The following VPS8 variants were observed in gnomAD, a reference collection of about 807,000 sequenced individuals.
VPS8 encodes the protein VPS8 subunit of CORVET complex.
VPS8 carries 129 observed loss-of-function variants against 216.4 expected under a neutral mutation model. The observed-to-expected ratio is 0.60, with a 90% confidence interval of 0.52 to 0.69. The LOEUF (loss-of-function observed/expected upper bound fraction) is 0.69. VPS8 is among the 30% of genes least tolerant of loss of function. VPS8 has a pLI of 0.00. For synonymous variants in VPS8, 571 were observed against 565.4 expected (o/e 1.01, Z -0.14); for missense variants, 1,531 against 1,683.5 (o/e 0.91, Z 1.59).
Position 184,935,707 on chromosome 3 carries a change from C to A in VPS8, c.2899-539C>A, listed in dbSNP as rs184708978. ...GTCAAATTAAAAGTCTTATATTTGA[C>A]AAATACATTTTATTAACAATGTTTA... is the stretch of plus-strand genomic sequence containing the variant. On this transcript the variant is annotated intron_variant, in intron 34 of 47. Transcript: ENST00000625842. Among the ~76,000 whole-genome samples, 6 of 152,258 alleles carry A rather than the reference C, an allele frequency of 3.9e-5. No homozygotes were observed. The East Asian group carries it at 1.2e-3, about 29-fold the overall frequency.
intron 37 of VPS8, among the ~76,000 whole-genome samples, chr3:184,962,117 A>G (rs1028184834): frequency 6.6e-6 from 1 of 152,228 alleles, no homozygotes; most frequent in Non-Finnish European, 1.5e-5. Flanking sequence ...TCATTCATTT[A>G]ATGATCTTAC....
chr3:184,870,862 T>G (rs1481087049), intron 21 of VPS8, 57 bp downstream of exon 21: 1 of 1,409,070 alleles, frequency 7.1e-7, no homozygotes, highest in Non-Finnish European at 9.8e-7. Context: ...AATACTCCTC[T>G]TTTATGTTAC....
intron 40 of VPS8, 82 bp from the exon 41 acceptor site, chr3:184,982,484 A>G: frequency 1.0e-6 from 1 of 974,574 alleles, no homozygotes; most frequent in South Asian, 1.5e-5. Context: ...GTAAAACATC[A>G]TGCTGATGTT....
chr3:184,941,037 C>T (rs573496999), intron 36 of VPS8, among the ~76,000 whole-genome samples: 31 of 152,276 alleles, frequency 2.0e-4, no homozygotes, highest in African/African-American at 6.7e-4. Flanking sequence ...GCATGGTTTA[C>T]GTGTAATTTT....
rs5855051 is a variant in VPS8 at position 184,990,925 on chromosome 3, GTTT to G, written c.3586-3047_3586-3045del. Among the ~76,000 whole-genome samples the G allele has an allele frequency of 9.4e-5, 14 of 148,302 alleles. No homozygotes were observed. In the South Asian group the frequency reaches 1.1e-3, roughly 11 times the overall value. ...TGATGCCTGGGACCCAAATTACACCGTTTTTTTTTTTTTCCATGAATATTAGGT... is the reference window on the plus strand; with the variant it reads ...TGATGCCTGGGACCCAAATTACACCGTTTTTTTTTTCCATGAATATTAGGT... On this transcript the variant is annotated intron_variant, in intron 42 of 47. Coordinates refer to ENST00000625842, the MANE Select transcript of VPS8 (RefSeq NM_001009921.3).
At chr3:184,814,709 TAGTG>T (rs1441858000) in intron 1 of VPS8, among the ~76,000 whole-genome samples, 1 of 152,126 alleles carries the variant, frequency 6.6e-6, no homozygotes. Flanking sequence ...AGGCAGTGAG[TAGTG>T]AGTGAGTGTG....
chr3:184,856,045 A>G (rs1332036714), intron 14 of VPS8, among the ~76,000 whole-genome samples: 4 of 152,200 alleles, frequency 2.6e-5, no homozygotes, highest in African/African-American at 9.6e-5. Flanking sequence ...TGACTGACAA[A>G]TAATTAATGG....
intron 14 of VPS8, among the ~76,000 whole-genome samples, chr3:184,857,030 C>T (rs898539551): frequency 1.3e-5 from 2 of 152,198 alleles, no homozygotes; most frequent in African/African-American, 4.8e-5. Context: ...CCACATTCAG[C>T]ACTTTTAAAA....
At chr3:184,976,696 A>G (rs540107728) in intron 40 of VPS8, among the ~76,000 whole-genome samples, 42 of 152,238 alleles carry the variant, frequency 2.8e-4, no homozygotes, top group African/African-American at 1.0e-3. Flanking sequence ...GCTCTCACTT[A>G]TAAATGAGAA....
intron 37 of VPS8, among the ~76,000 whole-genome samples, chr3:184,961,985 C>A (rs1043848072): frequency 1.8e-4 from 27 of 152,362 alleles, no homozygotes; most frequent in African/African-American, 6.5e-4. Flanking sequence ...TGGTCTTGAA[C>A]TGCTGACCTC....
intron 37 of VPS8, among the ~76,000 whole-genome samples, chr3:184,959,715 G>T: frequency 6.6e-6 from 1 of 151,960 alleles, no homozygotes; most frequent in Non-Finnish European, 1.5e-5. Flanking sequence ...TTGGGGTTTG[G>T]GAAATTTTTA....
chr3:184,915,017 C>T lies in VPS8; in HGVS notation c.2226C>T (p.Asp742=), dbSNP rs777483763. ...CAGGTCGTGCCTATCCCCTTGGTGA[C>T]ATCCCTGAAGATCTGGTTCCCTTGG... The part of the protein sequence containing the change: ...CLAGRAYPLG[D]IPEDLVPLVK... Residue 742 remains aspartate, a synonymous_variant, in exon 27 of 48, where the codon GAC becomes GAT. Coordinates refer to ENST00000625842, the MANE Select transcript of VPS8 (RefSeq NM_001009921.3). 12 of 1,614,014 alleles carry T rather than the reference C, an allele frequency of 7.4e-6. No individual in the cohort carries two copies. Among genetic ancestry groups the T allele is most frequent in the Non-Finnish European group, 1.0e-5 (12 of 1,179,882 alleles).
At chr3:184,937,394 G>T (rs1741828494) in intron 35 of VPS8, among the ~76,000 whole-genome samples, 1 of 152,148 alleles carries the variant, frequency 6.6e-6, no homozygotes, top group South Asian at 2.1e-4. Flanking sequence ...GAGGTAGCTG[G>T]CATGAGAGAC....
intron 15 of VPS8, 50 bp downstream of exon 15, chr3:184,860,115 T>G (rs1345220024): frequency 2.1e-6 from 3 of 1,405,436 alleles, no homozygotes. Context: ...GTAATTGTTC[T>G]GAATCTATGA....
chr3:185,045,593 A>G (rs1244502764), intron 46 of VPS8, among the ~76,000 whole-genome samples: 1 of 152,114 alleles, frequency 6.6e-6, no homozygotes, highest in Admixed American at 6.6e-5. Flanking sequence ...CAACATGGTG[A>G]AACCCCATCT....
At chr3:184,944,650 A>G (rs992195385) in intron 36 of VPS8, 1 of 944,872 alleles carries the variant, frequency 1.1e-6, no homozygotes, top group Non-Finnish European at 1.3e-6. Flanking sequence ...ATGTTGATTT[A>G]GCCTTTGTTA....
intron 21 of VPS8, among the ~76,000 whole-genome samples, chr3:184,885,508 G>A (rs775757493): frequency 1.6e-4 from 25 of 152,264 alleles, no homozygotes; most frequent in Non-Finnish European, 3.4e-4. Context: ...TTAAATCAAC[G>A]TTACAATAGC....
At chr3:184,849,392 A>AT (rs1442393382) in intron 9 of VPS8, 197 bp downstream of exon 9, 1 of 518,712 alleles carries the variant, frequency 1.9e-6, no homozygotes, top group Non-Finnish European at 3.2e-6. Flanking sequence ...AGAGTCTGTA[A>AT]TTTTTTATAT....
intron 34 of VPS8, among the ~76,000 whole-genome samples, chr3:184,931,759 A>G (rs1390711335): frequency 6.6e-6 from 1 of 152,116 alleles, no homozygotes; most frequent in Non-Finnish European, 1.5e-5. Flanking sequence ...CCAACAAGTC[A>G]TTCTCTGATT....
Sources: gnomAD v4.1 joint callset for allele counts (sites outside exome capture counted in the v4.1 genomes callset) on GRCh38, gnomAD v4.1.1 for gene constraint, MANE v1.5 for transcripts, NCBI Gene and HGNC (gene_info 2026-07-23, HGNC 2026-07-21) for gene names.